ESRRG: variants seen among roughly 807,000 people sequenced by gnomAD.
ESRRG encodes the protein estrogen-related receptor gamma.
A neutral mutation model predicts 44.0 loss-of-function variants in ESRRG; 13 were observed. The observed-to-expected ratio is 0.30, with a 90% CI of 0.19 to 0.47. The LOEUF is 0.47. Ranked by LOEUF, ESRRG falls within the 20% of genes least tolerant of loss-of-function variation. ESRRG has a pLI of 1.00. For missense variants in ESRRG, 395 were observed against 580.6 expected, an observed-to-expected ratio of 0.68 and a Z score of 3.29; for synonymous variants, 215 against 214.6, an observed-to-expected ratio of 1.00 and a Z score of -0.02.
At chr1:216,950,612 A>G (rs2066793707) in intron 1 of ESRRG, among the ~76,000 whole-genome samples, 1 of 152,180 alleles carries the variant, frequency 6.6e-6, no homozygotes, top group Non-Finnish European at 1.5e-5. Context: ...CTTCATATCA[A>G]AGTAAAGACC....
upstream of ESRRG, among the ~76,000 whole-genome samples, chr1:216,725,995 T>G (rs949836715): frequency 1.3e-5 from 2 of 152,192 alleles, no homozygotes; most frequent in Non-Finnish European, 2.9e-5. Flanking sequence ...TTTTCTTATT[T>G]CCCTTTGGGT....
chr1:216,690,902 A>G (rs1239073566), intron 1 of ESRRG, among the ~76,000 whole-genome samples: 1 of 152,172 alleles, frequency 6.6e-6, no homozygotes, highest in Non-Finnish European at 1.5e-5. Flanking sequence ...CACTGACTTG[A>G]ATGATAAAAT....
chr1:216,514,836 G>A (rs2043727576), intron 6 of ESRRG, among the ~76,000 whole-genome samples: 1 of 152,066 alleles, frequency 6.6e-6, no homozygotes. Context: ...AAAAGGAAAT[G>A]TCTACAGAAA....
At chr1:216,530,109 C>CAAAAAAA (rs34108833) in intron 5 of ESRRG, among the ~76,000 whole-genome samples, 6 of 62,782 alleles carry the variant, frequency 9.6e-5, no homozygotes, top group Admixed American at 5.6e-4. Context: ...GAGACTCCAT[C>CAAAAAAA]AAAAAAAAAA....
chr1:216,932,965 A>G (rs538449385), intron 2 of ESRRG, among the ~76,000 whole-genome samples: 5 of 151,870 alleles, frequency 3.3e-5, no homozygotes, highest in Non-Finnish European at 1.5e-5. Flanking sequence ...TAACTATCCT[A>G]CAGGAGTAAG....
rs146016043 is a variant in ESRRG at position 217,043,776 on chromosome 1, A to T, written c.-106+45731T>A. ...TGTGCCCATACAGGAACAAGTCAAAAACTAAGAACTCAAAATAGAGAGCTA... is the reference window on the plus strand; with the variant it reads ...TGTGCCCATACAGGAACAAGTCAAATACTAAGAACTCAAAATAGAGAGCTA... On this transcript the variant is annotated intron_variant, in intron 1 of 7. Coordinates refer to the ESRRG transcript ENST00000359162. Among the ~76,000 whole-genome samples the T allele has an allele frequency of 3.5e-3, 534 of 152,268 alleles. 3 individuals are homozygous for T. Among genetic ancestry groups the T allele is most frequent in the African/African-American group, 0.012 (513 of 41,548 alleles).
At chr1:216,778,237 C>T (rs968837991) in intron 2 of ESRRG, among the ~76,000 whole-genome samples, 1 of 151,940 alleles carries the variant, frequency 6.6e-6, no homozygotes, top group Non-Finnish European at 1.5e-5. Context: ...AGTTTAAGTG[C>T]AATGCAGTGG....
chr1:217,043,298 A>G (rs968885142), intron 1 of ESRRG, among the ~76,000 whole-genome samples: 2 of 152,160 alleles, frequency 1.3e-5, no homozygotes, highest in Non-Finnish European at 2.9e-5. Context: ...GATGCTTTCC[A>G]TAAATGGAAA....
At chr1:216,908,084 A>G (rs191948659) in intron 2 of ESRRG, among the ~76,000 whole-genome samples, 1 of 152,378 alleles carries the variant, frequency 6.6e-6, no homozygotes, top group Admixed American at 6.5e-5. Flanking sequence ...GAAAAACAGT[A>G]CATTGAAAAT....
chr1:216,546,351 A>G (rs1472251280), intron 5 of ESRRG, among the ~76,000 whole-genome samples: 1 of 151,756 alleles, frequency 6.6e-6, no homozygotes. Flanking sequence ...GGGTCTGTGC[A>G]GCATTTTTGG....
intron 2 of ESRRG, among the ~76,000 whole-genome samples, chr1:216,657,063 A>G (rs995055907): frequency 6.6e-6 from 1 of 152,222 alleles, no homozygotes; most frequent in East Asian, 1.9e-4. Flanking sequence ...TCTTTATTGT[A>G]TAGTGGCAAA....
chr1:216,738,831 A>T (rs1357862746), intron 2 of ESRRG, among the ~76,000 whole-genome samples: 4 of 152,100 alleles, frequency 2.6e-5, no homozygotes, highest in Non-Finnish European at 5.9e-5. Context: ...CTTTTTAAAA[A>T]TTTTATTTGT....
At chr1:216,766,571 G>A (rs1206599523) in intron 2 of ESRRG, among the ~76,000 whole-genome samples, 9 of 151,934 alleles carry the variant, frequency 5.9e-5, no homozygotes, top group Admixed American at 5.9e-4. Context: ...ACACTCGATA[G>A]GTTTCAGTGC....
intron 1 of ESRRG, among the ~76,000 whole-genome samples, chr1:216,976,472 T>C (rs547928653): frequency 3.3e-4 from 50 of 152,198 alleles, no homozygotes; most frequent in Non-Finnish European, 5.7e-4. Context: ...ATGTCTGTGC[T>C]GTTGGCTGTT....
chr1:216,887,016 G>A (rs921234597), intron 2 of ESRRG, among the ~76,000 whole-genome samples: 30 of 152,140 alleles, frequency 2.0e-4, no homozygotes, highest in African/African-American at 6.3e-4. Context: ...GGATTTACTG[G>A]TGTGAGCCAC....
At chr1:216,751,899 G>T (rs567150741) in intron 2 of ESRRG, among the ~76,000 whole-genome samples, 1 of 152,036 alleles carries the variant, frequency 6.6e-6, no homozygotes, top group Non-Finnish European at 1.5e-5. Context: ...AGCCAACAGC[G>T]CCTTTGATTA....
rs1282220595 is a variant in ESRRG, at chr1:216,723,259, A to T, written c.41T>A (p.Leu14Gln). 44 of 1,613,312 alleles carry T rather than the reference A, an allele frequency of 2.7e-5. No homozygotes were observed. Among genetic ancestry groups the T allele is most frequent in the Non-Finnish European group, 3.7e-5 (44 of 1,179,828 alleles). ...AGGTACCTACTCTTCCTCGTAGTGC[A>T]GGGAAAAAGATTCAGGAAGGCAAAG... ...VELCLPESFS[L>Q]HYEEELLCRM... Residue 14 changes from leucine (L) to glutamine (Q), a missense_variant, in exon 1 of 7, where the codon CTG becomes CAG. Physicochemically the swap from Leu to Gln is moderately radical, Grantham distance 113 (BLOSUM62 -2). Around this residue, in one of 5 missense-constraint regions of ESRRG, gnomAD observed 148 missense variants for 150.4 expected, o/e 0.98. Transcript: ENST00000408911.
chr1:216,534,427 C>T (rs2050292608), intron 5 of ESRRG, among the ~76,000 whole-genome samples: 1 of 152,130 alleles, frequency 6.6e-6, no homozygotes, highest in Non-Finnish European at 1.5e-5. Flanking sequence ...AGCACTAACA[C>T]AGCAATCCAA....
rs5780968 is a variant in ESRRG at position 217,103,664 on chromosome 1, A to ATAAT, written c.-230+33999_-230+34002dup. Reference sequence around the variant, plus strand: ...CAGAGCAAGACTCTGCCTCCAAAAAATAATTAATTAATTAATTAATTAATT... The same window carrying ATAAT: ...CAGAGCAAGACTCTGCCTCCAAAAAATAATTAATTAATTAATTAATTAATTAATT... On this transcript the variant is annotated intron_variant, in intron 1 of 8. Transcript: ENST00000366940. Among the ~76,000 whole-genome samples, 17 of 149,130 alleles carry ATAAT rather than the reference A, an allele frequency of 1.1e-4. No homozygotes were observed. In the South Asian group the frequency reaches 1.3e-3, roughly 11 times the overall value.
Sources: allele counts gnomAD v4.1 joint callset (sites outside exome capture counted in the v4.1 genomes callset), GRCh38; gene constraint gnomAD v4.1.1; regional missense constraint gnomAD v4.1.1; transcripts MANE v1.5; gene names NCBI Gene and HGNC (gene_info 2026-07-23, HGNC 2026-07-21).